EYS: variants seen among roughly 807,000 people sequenced by gnomAD.
EYS encodes the protein EGF-like photoreceptor maintenance factor, also known as protein eyes shut homolog.
A neutral mutation model predicts 282.1 loss-of-function variants in EYS; 250 were observed. That is an observed-to-expected ratio of 0.89 (90% CI 0.80 to 0.98). EYS has a LOEUF of 0.98. EYS is among the 50% of genes least tolerant of loss of function. The pLI, the probability that EYS is intolerant of heterozygous loss-of-function variation, is 0.00. For missense variants in EYS, 4,016 were observed against 3,709.0 expected (o/e 1.08, Z -2.15); for synonymous variants, 1,355 against 1,282.9 (o/e 1.06, Z -1.20).
chr6:65,262,097 C>T (rs990733873), intron 12 of EYS, among the ~76,000 whole-genome samples: 2 of 151,996 alleles, frequency 1.3e-5, no homozygotes, highest in African/African-American at 4.8e-5. Context: ...ATCTCTGCAC[C>T]TGATTTAGTT....
Position 64,096,599 on chromosome 6 carries a change from C to T in EYS, c.6425-14597G>A, listed in dbSNP as rs983745337. Among the ~76,000 whole-genome samples the T allele has an allele frequency of 5.3e-5, 8 of 152,200 alleles. 1 individual carries two copies. The highest frequency in any genetic ancestry group is 1.9e-4 in the African/African-American group (8 of 41,446). ...GTTCTCATGCTGTGGTTTTCAGCTC[C>T]ATCAGGTCCTTTAAGGACTTCTCTG... is the stretch of plus-strand genomic sequence containing the variant. On this transcript the variant is annotated intron_variant, in intron 31 of 42. Coordinates refer to ENST00000503581, the MANE Select transcript of EYS (RefSeq NM_001142800.2).
At chr6:64,323,604 A>G (rs1770298920) in intron 29 of EYS, among the ~76,000 whole-genome samples, 1 of 152,320 alleles carries the variant, frequency 6.6e-6, no homozygotes, top group Middle Eastern at 3.4e-3. Context: ...ATACTGAAAT[A>G]TAACTACTTC....
chr6:64,926,654 G>A (rs1461733178), intron 15 of EYS, among the ~76,000 whole-genome samples: 1 of 152,072 alleles, frequency 6.6e-6, no homozygotes, highest in Non-Finnish European at 1.5e-5. Flanking sequence ...AGTGCCCAAA[G>A]TTTTCTTTAA....
chr6:64,692,882 T>C (rs1770437060), intron 22 of EYS, among the ~76,000 whole-genome samples: 1 of 151,730 alleles, frequency 6.6e-6, no homozygotes, highest in Admixed American at 6.6e-5. Flanking sequence ...CAAGCTGTTT[T>C]GGTTACAGCT....
chr6:63,908,980 AG>A (rs1298486495), intron 35 of EYS, among the ~76,000 whole-genome samples: 1 of 151,790 alleles, frequency 6.6e-6, no homozygotes, highest in African/African-American at 2.4e-5. Context: ...TTTTTTTTTA[AG>A]GGGAAGCAGA....
intron 1 of EYS, among the ~76,000 whole-genome samples, chr6:65,644,867 T>A (rs921321203): frequency 2.0e-5 from 3 of 152,150 alleles, no homozygotes; most frequent in Non-Finnish European, 4.4e-5. Flanking sequence ...ACAAAAGCTG[T>A]GAGAATTCGC....
chr6:64,504,284 G>T (rs921385681), intron 26 of EYS, among the ~76,000 whole-genome samples: 1 of 152,126 alleles, frequency 6.6e-6, no homozygotes. Context: ...TCAAGTTTTA[G>T]AGGACTTTTA....
intron 5 of EYS, among the ~76,000 whole-genome samples, chr6:65,437,830 A>G (rs949603600): frequency 1.5e-4 from 23 of 151,362 alleles, no homozygotes; most frequent in African/African-American, 5.1e-4. Flanking sequence ...AAATTTAAAC[A>G]TTCATATTTT....
intron 30 of EYS, among the ~76,000 whole-genome samples, chr6:64,251,544 T>G (rs1027510061): frequency 3.9e-5 from 6 of 152,274 alleles, no homozygotes; most frequent in African/African-American, 1.4e-4. Context: ...TATAAACTAA[T>G]TATTCTTAGT....
chr6:65,264,911 T>C (rs1040597399), intron 12 of EYS, among the ~76,000 whole-genome samples: 1 of 151,758 alleles, frequency 6.6e-6, no homozygotes, highest in African/African-American at 2.4e-5. Context: ...TTATTTTATC[T>C]AAAATAATTT....
intron 38 of EYS, among the ~76,000 whole-genome samples, chr6:63,788,530 C>T (rs114419928): frequency 8.3e-4 from 126 of 152,234 alleles, no homozygotes; most frequent in African/African-American, 2.9e-3. Context: ...TTTAGCCTTC[C>T]TCCTCTGCTA....
chr6:64,229,041 G>A (rs961329126), intron 31 of EYS, among the ~76,000 whole-genome samples: 6 of 152,138 alleles, frequency 3.9e-5, no homozygotes, highest in East Asian at 1.9e-4. Context: ...GGGAGGCTGA[G>A]GCGGGTGGAT....
chr6:63,828,136 T>G (rs1044334511), intron 36 of EYS, among the ~76,000 whole-genome samples: 2 of 151,892 alleles, frequency 1.3e-5, no homozygotes, highest in African/African-American at 4.8e-5. Flanking sequence ...CATCAAAAAG[T>G]CTGAAAGCAC....
intron 14 of EYS, among the ~76,000 whole-genome samples, chr6:64,948,053 A>C (rs1769350888): frequency 6.6e-6 from 1 of 151,892 alleles, no homozygotes; most frequent in Non-Finnish European, 1.5e-5. Flanking sequence ...TATTTTCAAT[A>C]ACTTGATAAT....
chr6:64,273,922 T>A (rs1768024296), intron 30 of EYS, among the ~76,000 whole-genome samples: 2 of 152,194 alleles, frequency 1.3e-5, no homozygotes, highest in Admixed American at 6.5e-5. Flanking sequence ...ATGTAGACAC[T>A]TGTTGCCATT....
intron 26 of EYS, among the ~76,000 whole-genome samples, chr6:64,504,373 C>T (rs1007351024): frequency 6.6e-6 from 1 of 152,080 alleles, no homozygotes; most frequent in African/African-American, 2.4e-5. Context: ...TGATGAATGG[C>T]CCAAATATAA....
chr6:64,704,581 T>A (rs1004928306), intron 22 of EYS, among the ~76,000 whole-genome samples: 3 of 150,304 alleles, frequency 2.0e-5, no homozygotes, highest in Non-Finnish European at 4.4e-5. Flanking sequence ...AAAGTAGATT[T>A]GGGAAGGTGA....
intron 40 of EYS, among the ~76,000 whole-genome samples, chr6:63,776,512 T>G (rs1004025172): frequency 4.6e-5 from 7 of 152,118 alleles, no homozygotes; most frequent in African/African-American, 1.4e-4. Flanking sequence ...ATTGAGTAAT[T>G]TAGAGGGTTT....
intron 30 of EYS, among the ~76,000 whole-genome samples, chr6:64,288,817 C>T (rs1254893719): frequency 6.6e-6 from 1 of 152,000 alleles, no homozygotes. Flanking sequence ...GTCATTCATG[C>T]CTCCTTTTCT....
Sources: gnomAD v4.1 joint callset for allele counts (sites outside exome capture counted in the v4.1 genomes callset) on GRCh38, gnomAD v4.1.1 for gene constraint, MANE v1.5 for transcripts, NCBI Gene and HGNC (gene_info 2026-07-23, HGNC 2026-07-21) for gene names.